POLR2J: variants seen among roughly 807,000 people sequenced by gnomAD.
The protein encoded by POLR2J is DNA-directed RNA polymerase II subunit RPB11-a.
POLR2J carries 12 observed loss-of-function variants against 13.4 expected under a neutral mutation model. The observed-to-expected ratio is 0.90, with a 90% CI of 0.57 to 1.45. The LOEUF is 1.45. Among genes scored for constraint, POLR2J ranks in the 40% most tolerant of loss-of-function variants. The probability of loss-of-function intolerance (pLI) is 0.00; values close to 1 mark genes in which losing one functional copy is unlikely to be tolerated. For missense variants in POLR2J, 58 were observed against 132.0 expected, an observed-to-expected ratio of 0.44 and a Z score of 2.75; for synonymous variants, 31 against 53.6, an observed-to-expected ratio of 0.58 and a Z score of 1.84.
At chr7:102,475,020 C>T (rs1228946196) in intron 2 of POLR2J, among the ~76,000 whole-genome samples, 4 of 151,232 alleles carry the variant, frequency 2.6e-5, no homozygotes, top group Non-Finnish European at 4.4e-5. Flanking sequence ...GGGGCTGCGT[C>T]GCGTACTGTG....
rs1433121972 is a variant in POLR2J at position 102,478,000 on chromosome 7, T to G, written c.53+808A>C. Among the ~76,000 whole-genome samples, 4 of 115,958 alleles carry G rather than the reference T, an allele frequency of 3.4e-5. No individual in the cohort carries two copies. The East Asian group carries it at 1.0e-3, about 29-fold the overall frequency. 76.1% of individuals were successfully genotyped at this position (115,958 alleles called of 152,430 possible). On this transcript the variant is annotated intron_variant, in intron 1 of 3. Coordinates refer to ENST00000292614, the MANE Select transcript of POLR2J (RefSeq NM_006234.6). The stretch of plus-strand genomic sequence containing the variant: ...TGGCCAGATCCCTTTTTTTGTTTTT[T>G]GAAACGGAGTTTCGCTCTTGTTGCT...
chr7:102,475,064 TCA>T (rs1798386625), intron 2 of POLR2J, among the ~76,000 whole-genome samples: 1 of 151,822 alleles, frequency 6.6e-6, no homozygotes, highest in Non-Finnish European at 1.5e-5. Context: ...CTAGAGCGGC[TCA>T]GAGTGGCGTG....
At chr7:102,478,694 G>C (rs1444167773) in intron 1 of POLR2J, 114 bp downstream of exon 1, 1 of 1,516,752 alleles carries the variant, frequency 6.6e-7, no homozygotes, top group South Asian at 1.2e-5. Context: ...AGGCCGAGCA[G>C]ACGATCAAGC....
At chr7:102,478,762 G>A (rs756190246) in intron 1 of POLR2J, 46 bp downstream of exon 1, 2 of 1,607,810 alleles carry the variant, frequency 1.2e-6, no homozygotes, top group Non-Finnish European at 1.7e-6. Flanking sequence ...GAATGCGACA[G>A]CCGCAGGCCC....
Position 102,473,369 on chromosome 7 carries a change from G to C in POLR2J, c.*280C>G, listed in dbSNP as rs932147131. Reference sequence around the variant, plus strand: ...CAGAATGAATTCATCCCTGCCAGCCGGACGCCCCTGAAACAGGTCATCTGC... The same window carrying C: ...CAGAATGAATTCATCCCTGCCAGCCCGACGCCCCTGAAACAGGTCATCTGC... On this transcript the variant is annotated 3_prime_UTR_variant, in exon 4 of 4. Coordinates refer to ENST00000292614, the MANE Select transcript of POLR2J (RefSeq NM_006234.6). 4 of 570,086 alleles carry C rather than the reference G, an allele frequency of 7.0e-6. No individual in the cohort carries two copies. In the East Asian group the frequency reaches 9.3e-5, roughly 13 times the overall value. 35.3% of individuals were successfully genotyped at this position (570,086 alleles called of 1,614,324 possible). A position where few individuals can be genotyped will look rare whatever the true frequency, so the allele number is the denominator to read the frequency against.
In POLR2J at chr7:102,473,922, C is replaced by T. The variant is rs968465904; in HGVS notation, c.319-238G>A. ...CTTCCTGGTGAGCAGACGACTCAGACGTTGAAATCCCCCAAGCTGTGGCTC... is the reference window on the plus strand; with the variant it reads ...CTTCCTGGTGAGCAGACGACTCAGATGTTGAAATCCCCCAAGCTGTGGCTC... On this transcript the variant is annotated intron_variant, in intron 3 of 3. Coordinates refer to ENST00000292614, the MANE Select transcript of POLR2J (RefSeq NM_006234.6). 64 of 1,434,644 alleles carry T rather than the reference C, an allele frequency of 4.5e-5. No homozygotes were observed. In the Admixed American group the frequency reaches 4.6e-4, roughly 10 times the overall value. The allele number at this position is 1,434,644 out of a possible 1,614,324, so 88.9% of individuals were successfully genotyped here. A position where few individuals can be genotyped will look rare whatever the true frequency, so the allele number is the denominator to read the frequency against.
rs1446971109 is a variant in POLR2J, at chr7:102,473,882, CAG to C, written c.319-200_319-199del. ...TCTCTATGGCAGCCCCGGCAGGAGT[CAG>C]AGGCCCCAGAGGCTTCCTGGTGAGC... On this transcript the variant is annotated intron_variant, in intron 3 of 3. Transcript: ENST00000292614. 23 of 1,439,976 alleles carry C rather than the reference CAG, an allele frequency of 1.6e-5. No homozygotes were observed. The African/African-American group carries it at 2.7e-4, about 17-fold the overall frequency. The allele number at this position is 1,439,976 out of a possible 1,614,324, so 89.2% of individuals were successfully genotyped here.
chr7:102,473,953 C>T lies in POLR2J; in HGVS notation c.319-269G>A, dbSNP rs1309558385. The stretch of plus-strand genomic sequence containing the variant: ...AATCCCCCAAGCTGTGGCTCTTTCC[C>T]CTCTAAACTGTTCTAGATTCCCATG... On this transcript the variant is annotated intron_variant, in intron 3 of 3. Transcript: ENST00000292614. 23 of 1,435,400 alleles carry T rather than the reference C, an allele frequency of 1.6e-5. No individual in the cohort carries two copies. In the East Asian group the frequency reaches 4.0e-4, roughly 25 times the overall value. The allele number at this position is 1,435,400 out of a possible 1,614,324, so 88.9% of individuals were successfully genotyped here.
In POLR2J at chr7:102,473,637, C is replaced by T; in HGVS notation, c.*12G>A. 3 of 1,598,224 alleles carry T rather than the reference C, an allele frequency of 1.9e-6. No individual in the cohort carries two copies. The highest frequency in any genetic ancestry group is 2.6e-6 in the Non-Finnish European group (3 of 1,175,302). ...ACGGGGCTCACAGGCCGAGCAGAGCCCCCTCTGGCCCCTACTCAATTCCTT... is the reference window on the plus strand; with the variant it reads ...ACGGGGCTCACAGGCCGAGCAGAGCTCCCTCTGGCCCCTACTCAATTCCTT... On this transcript the variant is annotated 3_prime_UTR_variant, in exon 4 of 4. Coordinates refer to ENST00000292614, the MANE Select transcript of POLR2J (RefSeq NM_006234.6).
chr7:102,475,937 C>CAAA (rs149096965), intron 2 of POLR2J, among the ~76,000 whole-genome samples: 1 of 81,026 alleles, frequency 1.2e-5, no homozygotes, highest in Non-Finnish European at 3.5e-5. Context: ...AACAAACAAA[C>CAAA]AAACAGTGAA....
chr7:102,473,559 C>G lies in POLR2J; in HGVS notation c.*90G>C, dbSNP rs7950. ...CCACAAGGCGGGCCATGGCTGGGACCGGCCGCTCTCCTCGGTGTGGTACCT... is the reference window on the plus strand; with the variant it reads ...CCACAAGGCGGGCCATGGCTGGGACGGGCCGCTCTCCTCGGTGTGGTACCT... On this transcript the variant is annotated 3_prime_UTR_variant, in exon 4 of 4. Transcript: ENST00000292614. 7.6e-7 allele frequency: 1 copy of G among 1,317,736 alleles called. No homozygotes were observed. The highest frequency in any genetic ancestry group is 2.0e-5 in the African/African-American group (1 of 49,898). 81.6% of individuals were successfully genotyped at this position (1,317,736 alleles called of 1,614,324 possible).
intron 3 of POLR2J, 90 bp downstream of exon 3, chr7:102,474,271 T>G (rs1798346283): frequency 1.2e-6 from 2 of 1,608,568 alleles, no homozygotes; most frequent in South Asian, 1.1e-5. Flanking sequence ...CCCCAGGACC[T>G]CCGAAGAAAC....
At chr7:102,477,943 G>A (rs1311594465) in intron 1 of POLR2J, among the ~76,000 whole-genome samples, 1,452 of 129,092 alleles carry the variant, frequency 0.011, 45 homozygotes, top group African/African-American at 0.039. Flanking sequence ...GCCTCCCAAA[G>A]TGCCGGGATT....
intron 1 of POLR2J, 33 bp downstream of exon 1, chr7:102,478,775 G>A (rs1324156599): frequency 2.5e-6 from 4 of 1,609,260 alleles, no homozygotes; most frequent in African/African-American, 1.3e-5. Context: ...GCAGGCCCGC[G>A]CACCTCGGCC....
Position 102,474,347 on chromosome 7 carries a change from G to C in POLR2J, c.318+14C>G. ...CCAGCCCACCCCGTCTGCCCCTCCA[G>C]GCCCCGCCCTCACCCGAAAGCGCTC... On this transcript the variant is annotated intron_variant, in intron 3 of 3. Transcript: ENST00000292614. 3.1e-6 allele frequency: 5 copies of C among 1,611,902 alleles called. No individual in the cohort carries two copies. Among genetic ancestry groups the C allele is most frequent in the South Asian group, 1.1e-5 (1 of 90,978 alleles).
rs377030778 is a variant in POLR2J, at chr7:102,473,712, G to T, written c.319-28C>A. 22 of 1,613,622 alleles carry T rather than the reference G, an allele frequency of 1.4e-5. No individual in the cohort carries two copies. In the South Asian group the frequency reaches 2.3e-4, roughly 17 times the overall value. ...GGGAGAGAAGAAGGTGGTGGAGACT[G>T]AGCTGGAACAGCTGGGGCAAGGACG... On this transcript the variant is annotated intron_variant, in intron 3 of 3. Transcript: ENST00000292614.
At chr7:102,475,170 C>G (rs1798391345) in intron 2 of POLR2J, among the ~76,000 whole-genome samples, 1 of 152,250 alleles carries the variant, frequency 6.6e-6, no homozygotes, top group South Asian at 2.1e-4. Context: ...GCCCCACTGG[C>G]TGGGCTCCGG....
In POLR2J at chr7:102,473,450, A is replaced by G. The variant is rs201743245; in HGVS notation, c.*199T>C. The G allele has an allele frequency of 8.2e-5, 57 of 691,396 alleles. No individual in the cohort carries two copies. In the East Asian group the frequency reaches 2.4e-3, roughly 29 times the overall value. The allele number at this position is 691,396 out of a possible 1,614,324, so 42.8% of individuals were successfully genotyped here. On this transcript the variant is annotated 3_prime_UTR_variant, in exon 4 of 4. Coordinates refer to ENST00000292614, the MANE Select transcript of POLR2J (RefSeq NM_006234.6). ...CGAAGTCACCGCTGCTCAAGTCCAC[A>G]TCCAGGTCTCTCCCGCTATACTTTA...
At chr7:102,474,102 C>G (rs1798335533) in intron 3 of POLR2J, 1 of 1,475,408 alleles carries the variant, frequency 6.8e-7, no homozygotes, top group Non-Finnish European at 9.0e-7. Context: ...ACAGTAGGTC[C>G]CCGCCCCGAT....
Sources: gnomAD v4.1 joint callset for allele counts (sites outside exome capture counted in the v4.1 genomes callset) on GRCh38, gnomAD v4.1.1 for gene constraint, MANE v1.5 for transcripts, NCBI Gene and HGNC (gene_info 2026-07-23, HGNC 2026-07-21) for gene names.